The following CADPS2 variants were observed in gnomAD, a reference collection of about 807,000 sequenced individuals.
CADPS2 encodes the protein calcium-dependent secretion activator 2.
A neutral mutation model predicts 172.5 loss-of-function variants in CADPS2; 93 were observed. That is an observed-to-expected ratio of 0.54 (90% CI 0.46 to 0.64). CADPS2 has a LOEUF of 0.64. Ranked by LOEUF, CADPS2 falls within the 30% of genes least tolerant of loss-of-function variation. The probability of loss-of-function intolerance (pLI) is 0.00; values close to 1 mark genes in which losing one functional copy is unlikely to be tolerated. For missense variants in CADPS2, 1,420 were observed against 1,565.9 expected, an observed-to-expected ratio of 0.91 and a Z score of 1.57; for synonymous variants, 546 against 555.2, an observed-to-expected ratio of 0.98 and a Z score of 0.23.
At chr7:122,477,871 T>A (rs2056883533) in intron 12 of CADPS2, among the ~76,000 whole-genome samples, 1 of 152,108 alleles carries the variant, frequency 6.6e-6, no homozygotes, top group Admixed American at 6.6e-5. Flanking sequence ...GTACATTAGA[T>A]CTCTAGACTT....
chr7:122,702,739 A>G lies in CADPS2; in HGVS notation c.453+34216T>C, dbSNP rs1487068701. On this transcript the variant is annotated intron_variant, in intron 2 of 29. Coordinates refer to ENST00000449022, the MANE Select transcript of CADPS2 (RefSeq NM_017954.11). ...AACTATGCGTCGAAGGGGTAATTCT[A>G]AGGAAGCTCATGCCTCCATTTGTCT... 3 of 1,600,544 alleles carry G rather than the reference A, an allele frequency of 1.9e-6. No homozygotes were observed. In the South Asian group the frequency reaches 3.4e-5, roughly 18 times the overall value.
intron 8 of CADPS2, 129 bp from the exon 9 acceptor site, chr7:122,513,444 A>G: frequency 3.0e-6 from 2 of 666,728 alleles, no homozygotes; most frequent in East Asian, 5.6e-5. Flanking sequence ...GCTCATTTGG[A>G]AAGTGAGACA....
intron 15 of CADPS2, among the ~76,000 whole-genome samples, chr7:122,442,967 T>C (rs994537110): frequency 2.0e-5 from 3 of 152,342 alleles, no homozygotes; most frequent in Middle Eastern, 3.4e-3. Flanking sequence ...ATTAGCAAAG[T>C]ACCTTTAATC....
At chr7:122,429,241 C>A (rs1002919048) in intron 17 of CADPS2, among the ~76,000 whole-genome samples, 1 of 150,272 alleles carries the variant, frequency 6.7e-6, no homozygotes, top group Non-Finnish European at 1.5e-5. Context: ...CCAAATAATA[C>A]GTGAAGTTGA....
At chr7:122,413,343 AAC>A (rs1390668341) in intron 19 of CADPS2, among the ~76,000 whole-genome samples, 3 of 152,306 alleles carry the variant, frequency 2.0e-5, no homozygotes, top group East Asian at 3.9e-4. Context: ...CTAAGGAGAA[AAC>A]ACAGGAATTC....
At position 122,738,120 on chromosome 7, in the gene CADPS2, A is replaced by G. The variant is rs1588893286; in HGVS notation, c.340-1052T>C. 2.6e-5 allele frequency among the ~76,000 whole-genome samples: 4 copies of G among 152,288 alleles called. 1 individual carries two copies. In the South Asian group the frequency reaches 8.3e-4, roughly 32 times the overall value. ...GGTCCTTACCCTGGGTCTAGCTTCC[A>G]TAATTAATACAGAGGGTGAATTAGA... is the stretch of plus-strand genomic sequence containing the variant. On this transcript the variant is annotated intron_variant, in intron 1 of 29. Transcript: ENST00000449022.
intron 1 of CADPS2, among the ~76,000 whole-genome samples, chr7:122,874,256 C>A (rs1462167669): frequency 2.6e-5 from 4 of 151,958 alleles, no homozygotes; most frequent in African/African-American, 9.7e-5. Context: ...GACAGAGAGC[C>A]AAATCATGAG....
chr7:122,416,193 A>G (rs2047891169), intron 17 of CADPS2, 29 bp from the exon 18 acceptor site: 2 of 1,364,548 alleles, frequency 1.5e-6, no homozygotes, highest in Non-Finnish European at 2.0e-6. Context: ...TAATCATGTT[A>G]CCTTGAAAAT....
chr7:122,624,780 T>C (rs778150028), intron 4 of CADPS2, among the ~76,000 whole-genome samples: 8 of 152,198 alleles, frequency 5.3e-5, no homozygotes, highest in Non-Finnish European at 7.3e-5. Flanking sequence ...AGTCATTTGA[T>C]AGACATTCCC....
At chr7:122,754,028 A>G (rs1038402226) in intron 1 of CADPS2, among the ~76,000 whole-genome samples, 6 of 152,226 alleles carry the variant, frequency 3.9e-5, no homozygotes, top group African/African-American at 1.2e-4. Flanking sequence ...CCCACCAGGT[A>G]GGAGCTGTGC....
chr7:122,865,030 T>C (rs751570328), intron 1 of CADPS2, among the ~76,000 whole-genome samples: 26 of 151,996 alleles, frequency 1.7e-4, no homozygotes, highest in South Asian at 2.1e-4. Context: ...TGGGAGGTGT[T>C]TGGGTGATGG....
intron 3 of CADPS2, among the ~76,000 whole-genome samples, chr7:122,659,307 A>T (rs2430041): frequency 2.2e-4 from 27 of 122,690 alleles, no homozygotes; most frequent in Non-Finnish European, 4.3e-4. Flanking sequence ...GAAATGCTAG[A>T]CATAAAAAAA....
intron 2 of CADPS2, chr7:122,698,293 T>C: frequency 6.2e-7 from 1 of 1,614,016 alleles, no homozygotes; most frequent in Non-Finnish European, 8.5e-7. Flanking sequence ...TCTATGAATG[T>C]GATAAAAGAT....
At chr7:122,647,080 G>A (rs2078640950) in intron 3 of CADPS2, among the ~76,000 whole-genome samples, 2 of 152,262 alleles carry the variant, frequency 1.3e-5, no homozygotes, top group Admixed American at 6.5e-5. Context: ...AATTTCAGAA[G>A]TTTCATATCC....
At chr7:122,541,533 CTCTTA>C (rs2062954450) in intron 8 of CADPS2, among the ~76,000 whole-genome samples, 2 of 143,356 alleles carry the variant, frequency 1.4e-5, no homozygotes, top group South Asian at 2.1e-4. Flanking sequence ...TTTTATGCTT[CTCTTA>C]TAATTCCATT....
intron 6 of CADPS2, among the ~76,000 whole-genome samples, chr7:122,586,566 C>T (rs766533799): frequency 3.7e-4 from 56 of 151,906 alleles, no homozygotes; most frequent in Non-Finnish European, 7.1e-4. Context: ...AGCCGAGTTA[C>T]CCTGTTTTAA....
intron 1 of CADPS2, among the ~76,000 whole-genome samples, chr7:122,765,800 A>G (rs900273320): frequency 6.6e-6 from 1 of 152,134 alleles, no homozygotes; most frequent in Non-Finnish European, 1.5e-5. Context: ...ATAGTTGAGA[A>G]GACATACTCC....
At chr7:122,523,778 C>T (rs1017527329) in intron 8 of CADPS2, among the ~76,000 whole-genome samples, 7 of 152,094 alleles carry the variant, frequency 4.6e-5, no homozygotes, top group African/African-American at 1.4e-4. Context: ...TCACTGTTTG[C>T]TAAAAGTTAA....
In CADPS2 at chr7:122,490,103, A is replaced by G; in HGVS notation, c.1830T>C (p.Thr610=). 6.2e-7 allele frequency: 1 copy of G among 1,613,384 alleles called. No individual in the cohort carries two copies. The highest frequency in any genetic ancestry group is 8.5e-7 in the Non-Finnish European group (1 of 1,179,518). Residue 610 remains threonine (T), a synonymous_variant, in exon 11 of 30, where the codon ACT becomes ACC. Transcript: ENST00000449022. ...TACAAAGCTGAGCATCTGCATGGAG[A>G]GTTCCTCCTTTAGGATTCAGTTTCT... ...QTQKLNPKGG[T]LHADAQLSGK...
Sources: allele counts gnomAD v4.1 joint callset (sites outside exome capture counted in the v4.1 genomes callset), GRCh38; gene constraint gnomAD v4.1.1; transcripts MANE v1.5; gene names NCBI Gene and HGNC (gene_info 2026-07-23, HGNC 2026-07-21).